The following HECW2 variants were observed in gnomAD, a reference collection of about 807,000 sequenced individuals.
HECW2 encodes HECT, C2 and WW domain containing E3 ubiquitin protein ligase 2.
HECW2 carries 61 observed loss-of-function variants against 175.2 expected under a neutral mutation model. The observed-to-expected ratio is 0.35, with a 90% CI of 0.28 to 0.43. HECW2 has a LOEUF of 0.43. Among genes scored for constraint, HECW2 ranks in the 20% least tolerant of loss-of-function variants. HECW2 has a pLI of 1.00. For missense variants in HECW2, 1,524 were observed against 2,000.5 expected, an observed-to-expected ratio of 0.76 and a Z score of 4.54; for synonymous variants, 671 against 731.0, an observed-to-expected ratio of 0.92 and a Z score of 1.32.
intron 28 of HECW2, 72 bp downstream of exon 28, chr2:196,215,792 TA>T: frequency 1.3e-5 from 13 of 1,035,536 alleles, no homozygotes; most frequent in Non-Finnish European, 1.8e-5. Context: ...AAGCAGTAAT[TA>T]ATCAATATAT....
Position 196,222,337 on chromosome 2 carries a change from T to A in HECW2, c.4020A>T (p.Leu1340=). The A allele has an allele frequency of 6.2e-7, 1 of 1,613,136 alleles. No homozygotes were observed. Among genetic ancestry groups the A allele is most frequent in the South Asian group, 1.1e-5 (1 of 90,954 alleles). Residue 1340 remains leucine (L), a synonymous_variant, in exon 24 of 29, where the codon CTA becomes CTT. Coordinates refer to ENST00000644978, the MANE Select transcript of HECW2 (RefSeq NM_001348768.2). ...GGTATTCTAGGTCACTCAGGTCACA[T>A]AGACTAAGATGACAAACAGACAGAA... is the stretch of plus-strand genomic sequence containing the variant. ...RPFYKALLRI[L]CDLSDLEYLD...
intron 1 of HECW2, among the ~76,000 whole-genome samples, chr2:196,496,200 C>G (rs1318150699): frequency 6.6e-6 from 1 of 151,644 alleles, no homozygotes; most frequent in Non-Finnish European, 1.5e-5. Context: ...TTTAACTTTA[C>G]CTTTGTATGT....
At chr2:196,465,765 G>A (rs1165942557) in intron 1 of HECW2, among the ~76,000 whole-genome samples, 1 of 151,128 alleles carries the variant, frequency 6.6e-6, no homozygotes, top group Non-Finnish European at 1.5e-5. Flanking sequence ...CTGGACCACT[G>A]ATCCAAAAGG....
chr2:196,450,333 T>C (rs1423423920), intron 1 of HECW2, among the ~76,000 whole-genome samples: 1 of 151,934 alleles, frequency 6.6e-6, no homozygotes, highest in Non-Finnish European at 1.5e-5. Flanking sequence ...AAAAGGATTG[T>C]GGGGTTACAG....
chr2:196,483,032 A>G (rs546358182), intron 1 of HECW2, among the ~76,000 whole-genome samples: 2 of 144,608 alleles, frequency 1.4e-5, no homozygotes, highest in South Asian at 2.2e-4. Context: ...TGAACAAATT[A>G]TTTTCAGACT....
intron 1 of HECW2, among the ~76,000 whole-genome samples, chr2:196,535,252 G>A (rs917339484): frequency 3.9e-5 from 6 of 152,148 alleles, no homozygotes; most frequent in Admixed American, 3.3e-4. Flanking sequence ...ATCAAGATCA[G>A]TACTAAACTA....
At chr2:196,273,941 C>A in intron 16 of HECW2, 80 bp downstream of exon 16, 2 of 983,718 alleles carry the variant, frequency 2.0e-6, no homozygotes, top group Admixed American at 2.2e-5. Context: ...AGGCTAACAA[C>A]AGGGGAAGTA....
chr2:196,584,992 A>C (rs1045821493), intron 1 of HECW2, among the ~76,000 whole-genome samples: 1 of 152,198 alleles, frequency 6.6e-6, no homozygotes, highest in Non-Finnish European at 1.5e-5. Context: ...ATTTATGGTC[A>C]ATGTGGACAT....
intron 1 of HECW2, among the ~76,000 whole-genome samples, chr2:196,569,692 T>A (rs1036853897): frequency 3.3e-5 from 5 of 152,230 alleles, no homozygotes; most frequent in Admixed American, 3.3e-4. Flanking sequence ...TACTCAAAGA[T>A]GTACCAGGAT....
At position 196,590,952 on chromosome 2, in the gene HECW2, T is replaced by A. The variant is rs1023715588; in HGVS notation, c.-36+2556A>T. On this transcript the variant is annotated intron_variant, in intron 1 of 28. Coordinates refer to ENST00000644978, the MANE Select transcript of HECW2 (RefSeq NM_001348768.2). ...TGCTCATAATCTTCATTAAATTTAGTCCTGTGGCTGGCAAATGTTAATTTA... is the reference window on the plus strand; with the variant it reads ...TGCTCATAATCTTCATTAAATTTAGACCTGTGGCTGGCAAATGTTAATTTA... Among the ~76,000 whole-genome samples the A allele has an allele frequency of 9.2e-5, 14 of 152,354 alleles. 1 individual carries two copies. Among genetic ancestry groups the A allele is most frequent in the Admixed American group, 8.5e-4 (13 of 15,310 alleles).
chr2:196,484,581 T>C, intron 1 of HECW2, among the ~76,000 whole-genome samples: 1 of 152,164 alleles, frequency 6.6e-6, no homozygotes, highest in Non-Finnish European at 1.5e-5. Context: ...ATCCCTGTTC[T>C]TATCCTTCAC....
At chr2:196,207,415 C>T (rs1687109242) in intron 28 of HECW2, among the ~76,000 whole-genome samples, 1 of 152,162 alleles carries the variant, frequency 6.6e-6, no homozygotes, top group Non-Finnish European at 1.5e-5. Context: ...TTAAAATATT[C>T]ATAATTTATC....
intron 1 of HECW2, among the ~76,000 whole-genome samples, chr2:196,542,108 A>G (rs1240191689): frequency 6.6e-6 from 1 of 152,028 alleles, no homozygotes; most frequent in African/African-American, 2.4e-5. Context: ...CTAAAAAAAT[A>G]CAAAAATTAG....
intron 19 of HECW2, among the ~76,000 whole-genome samples, chr2:196,253,203 T>C (rs1384832672): frequency 6.6e-6 from 1 of 152,152 alleles, no homozygotes; most frequent in East Asian, 1.9e-4. Context: ...ACATATGGAG[T>C]TTGCACTTCT....
At chr2:196,414,443 T>C (rs1005373400) in intron 2 of HECW2, among the ~76,000 whole-genome samples, 1 of 152,176 alleles carries the variant, frequency 6.6e-6, no homozygotes, top group African/African-American at 2.4e-5. Flanking sequence ...TAAAATGTGC[T>C]TAGGAGGCAG....
intron 1 of HECW2, among the ~76,000 whole-genome samples, chr2:196,451,840 A>G (rs10170358): frequency 0.13 from 20,211 of 152,176 alleles, 1,811 homozygotes; most frequent in African/African-American, 0.26. Flanking sequence ...CGGAAGTTGC[A>G]GTGAACCGAG....
rs554018051 is a variant in HECW2, at chr2:196,528,121, G to T, written c.-36+65387C>A. On this transcript the variant is annotated intron_variant, in intron 1 of 28. Transcript: ENST00000644978. ...CAACTGTAATGGTGGTAGTAACTTT[G>T]ATTAGAGTTCCCATATTTACCAAGA... 3.3e-3 allele frequency among the ~76,000 whole-genome samples: 510 copies of T among 152,244 alleles called. 3 individuals carry two copies. The highest frequency in any genetic ancestry group is 0.012 in the African/African-American group (491 of 41,530).
intron 20 of HECW2, among the ~76,000 whole-genome samples, chr2:196,241,039 A>G (rs907775976): frequency 6.6e-6 from 1 of 152,114 alleles, no homozygotes; most frequent in Non-Finnish European, 1.5e-5. Flanking sequence ...AATATCCTCC[A>G]AAGCAGAGGA....
chr2:196,323,554 G>C (rs1692027137), intron 6 of HECW2, among the ~76,000 whole-genome samples: 1 of 152,126 alleles, frequency 6.6e-6, no homozygotes, highest in Non-Finnish European at 1.5e-5. Context: ...TTTCCAAAGG[G>C]CCAAGCAATT....
Sources: gnomAD v4.1 joint callset for allele counts (sites outside exome capture counted in the v4.1 genomes callset) on GRCh38, gnomAD v4.1.1 for gene constraint, MANE v1.5 for transcripts, NCBI Gene and HGNC (gene_info 2026-07-23, HGNC 2026-07-21) for gene names.